ATP10D: variants seen among roughly 807,000 people sequenced by gnomAD.
The protein encoded by ATP10D is phospholipid-transporting ATPase VD.
A neutral mutation model predicts 144.8 loss-of-function variants in ATP10D; 89 were observed. The ratio of observed to expected loss-of-function variants is 0.61; its 90% CI spans 0.52 to 0.73. The LOEUF (loss-of-function observed/expected upper bound fraction) is 0.73. Ranked by LOEUF, ATP10D falls within the 30% of genes least tolerant of loss-of-function variation. The probability of loss-of-function intolerance (pLI) is 0.00; values close to 1 mark genes in which losing one functional copy is unlikely to be tolerated. For missense variants in ATP10D, 1,603 were observed against 1,714.8 expected (o/e 0.93, Z 1.15); for synonymous variants, 571 against 615.1 (o/e 0.93, Z 1.06).
chr4:47,566,127 C>T (rs1007176622), intron 15 of ATP10D, among the ~76,000 whole-genome samples: 1 of 152,194 alleles, frequency 6.6e-6, no homozygotes, highest in South Asian at 2.1e-4. Context: ...GCTCCTATAA[C>T]ATTCTAAGCA....
At chr4:47,492,322 T>C (rs1715123199) in intron 1 of ATP10D, among the ~76,000 whole-genome samples, 1 of 152,256 alleles carries the variant, frequency 6.6e-6, no homozygotes, top group African/African-American at 2.4e-5. Flanking sequence ...TAATTGCTAT[T>C]AGCAATTTGT....
At position 47,538,988 on chromosome 4, in the gene ATP10D, TCCACTTCTG is replaced by T. The variant is rs1301922622; in HGVS notation, c.1396+2055_1396+2063del. Reference sequence around the variant, plus strand: ...TGATTAATTACATCTGCAAAATCCTTCCACTTCTGCCACACAGCATAATTTAATCATAGC... The same window carrying T: ...TGATTAATTACATCTGCAAAATCCTTCCACACAGCATAATTTAATCATAGC... On this transcript the variant is annotated intron_variant, in intron 9 of 22. Coordinates refer to ENST00000273859, the MANE Select transcript of ATP10D (RefSeq NM_020453.4). 2.6e-5 allele frequency among the ~76,000 whole-genome samples: 4 copies of T among 152,278 alleles called. No homozygotes were observed. The South Asian group carries it at 8.3e-4, about 32-fold the overall frequency.
At chr4:47,590,980 G>GGA in intron 22 of ATP10D, 62 bp from the exon 23 acceptor site, 1 of 1,142,586 alleles carries the variant, frequency 8.8e-7, no homozygotes, top group Non-Finnish European at 1.2e-6. Flanking sequence ...AGTATTTGGG[G>GGA]GGGGGGGTTC....
chr4:47,505,114 T>C (rs183675302), intron 1 of ATP10D, among the ~76,000 whole-genome samples: 281 of 152,338 alleles, frequency 1.8e-3, no homozygotes, highest in Middle Eastern at 3.4e-3. Flanking sequence ...CAATCTTTTG[T>C]ATAAACTAGA....
intron 3 of ATP10D, among the ~76,000 whole-genome samples, chr4:47,521,921 T>C (rs926180898): frequency 5.3e-5 from 8 of 152,348 alleles, no homozygotes; most frequent in South Asian, 2.1e-4. Context: ...TAGGTAGCCT[T>C]TTAAGCTAAA....
intron 9 of ATP10D, among the ~76,000 whole-genome samples, chr4:47,540,124 G>C (rs1459706249): frequency 6.6e-6 from 1 of 152,178 alleles, no homozygotes; most frequent in Non-Finnish European, 1.5e-5. Flanking sequence ...ACACAAACTA[G>C]TGGAGACCAG....
chr4:47,511,568 T>C (rs1716330007), intron 1 of ATP10D, among the ~76,000 whole-genome samples: 1 of 152,248 alleles, frequency 6.6e-6, no homozygotes, highest in South Asian at 2.1e-4. Context: ...TAGGGCTGCA[T>C]TTCTTGGAAA....
At chr4:47,562,420 C>G (rs150917975) in intron 14 of ATP10D, among the ~76,000 whole-genome samples, 1 of 152,136 alleles carries the variant, frequency 6.6e-6, no homozygotes, top group East Asian at 1.9e-4. Context: ...CAACAAGTGG[C>G]CAACAAACAT....
chr4:47,488,848 T>C (rs1401442842), intron 1 of ATP10D, among the ~76,000 whole-genome samples: 1 of 152,130 alleles, frequency 6.6e-6, no homozygotes, highest in African/African-American at 2.4e-5. Context: ...AGTGCCCTCA[T>C]AAAAGAGGCC....
chr4:47,504,886 TGAC>T (rs1715937455), intron 1 of ATP10D, among the ~76,000 whole-genome samples: 2 of 152,272 alleles, frequency 1.3e-5, no homozygotes, highest in East Asian at 3.8e-4. Flanking sequence ...TGCCTTTTAT[TGAC>T]TATGATAGAG....
intron 9 of ATP10D, among the ~76,000 whole-genome samples, chr4:47,540,284 A>G (rs1718068203): frequency 6.6e-6 from 1 of 152,192 alleles, no homozygotes; most frequent in African/African-American, 2.4e-5. Flanking sequence ...CTGCTTGGAA[A>G]CAACCTCTCA....
chr4:47,569,642 CAGTA>C (rs1719839068), intron 16 of ATP10D, among the ~76,000 whole-genome samples: 1 of 152,028 alleles, frequency 6.6e-6, no homozygotes, highest in Non-Finnish European at 1.5e-5. Context: ...GGAAGGCATG[CAGTA>C]AAACAAAGCA....
chr4:47,537,316 G>A (rs1374683131), intron 9 of ATP10D, among the ~76,000 whole-genome samples: 1 of 152,048 alleles, frequency 6.6e-6, no homozygotes, highest in African/African-American at 2.4e-5. Flanking sequence ...TCATTGTTTG[G>A]CCCCTAGGTA....
intron 1 of ATP10D, among the ~76,000 whole-genome samples, chr4:47,488,423 A>G (rs1714883988): frequency 6.6e-6 from 1 of 152,038 alleles, no homozygotes; most frequent in Admixed American, 6.6e-5. Context: ...TTTCTTTTGC[A>G]TCAATAGGCA....
chr4:47,579,323 A>G (rs989918258), intron 19 of ATP10D, among the ~76,000 whole-genome samples: 2 of 152,216 alleles, frequency 1.3e-5, no homozygotes, highest in African/African-American at 4.8e-5. Context: ...TATGTACAAG[A>G]CACTGTTTTA....
rs149003357 is a variant in ATP10D at position 47,581,970 on chromosome 4, G to A, written c.3659G>A (p.Gly1220Asp). ...CFFVPYFTYQ[G>D]SDTDIFAFGN... ...GTCCTCTCTTTGTAGACCTACCAGG[G>A]CTCAGATACTGACATCTTTGCATTT... is the stretch of plus-strand genomic sequence containing the variant. Residue 1220 changes from glycine to aspartate, a missense_variant, in exon 21 of 23, where the codon GGC becomes GAC. Transcript: ENST00000273859. The A allele has an allele frequency of 2.1e-5, 34 of 1,613,638 alleles. No individual in the cohort carries two copies. The African/African-American group carries it at 3.7e-4, about 18-fold the overall frequency.
intron 3 of ATP10D, among the ~76,000 whole-genome samples, chr4:47,518,542 G>A (rs1716797432): frequency 6.6e-6 from 1 of 152,056 alleles, no homozygotes; most frequent in South Asian, 2.1e-4. Context: ...ACTAAAAATA[G>A]ATACAATGTC....
intron 21 of ATP10D, among the ~76,000 whole-genome samples, chr4:47,583,645 C>T (rs1368800791): frequency 6.6e-6 from 1 of 152,070 alleles, no homozygotes; most frequent in Non-Finnish European, 1.5e-5. Flanking sequence ...TTGGTGGCCA[C>T]CTGAGAAAAT....
At chr4:47,492,118 T>G (rs185093595) in intron 1 of ATP10D, among the ~76,000 whole-genome samples, 141 of 152,292 alleles carry the variant, frequency 9.3e-4, no homozygotes, top group African/African-American at 3.2e-3. Flanking sequence ...AAATATTAGT[T>G]GAAAGATTGA....
Sources: allele counts gnomAD v4.1 joint callset (sites outside exome capture counted in the v4.1 genomes callset), GRCh38; gene constraint gnomAD v4.1.1; transcripts MANE v1.5; gene names NCBI Gene and HGNC (gene_info 2026-07-23, HGNC 2026-07-21).